WDR20: variants seen among roughly 807,000 people sequenced by gnomAD.
WDR20 encodes WD repeat-containing protein 20.
In WDR20, 3 loss-of-function variants were observed where a neutral mutation model predicts 38.7. The observed-to-expected ratio is 0.08, with a 90% confidence interval of 0.04 to 0.20. The LOEUF (loss-of-function observed/expected upper bound fraction) is 0.20. WDR20 is among the 10% of genes least tolerant of loss of function. The pLI is 1.00. For synonymous variants in WDR20, 298 were observed against 285.6 expected (o/e 1.04, Z -0.44); for missense variants, 559 against 727.7 (o/e 0.77, Z 2.67).
At position 102,208,668 on chromosome 14, in the gene WDR20, A is replaced by G. The variant is rs758711937; in HGVS notation, c.498A>G (p.Leu166=). The change falls in exon 3 of 3, where the codon CTA becomes CTG. Residue 166 remains leucine, a synonymous_variant. Transcript: ENST00000342702. The surrounding 1 kb of genome is among the most constrained non-coding windows in gnomAD (Gnocchi z 5.6). ...TTCCCGGTTCGGAAAGCCTTTTCCTAGTAGCCCACTCGAGTGGGAACATGT... is the reference window on the plus strand; with the variant it reads ...TTCCCGGTTCGGAAAGCCTTTTCCTGGTAGCCCACTCGAGTGGGAACATGT... ...KWVPGSESLF[L]VAHSSGNMYL... 1 of 1,613,866 alleles carries G rather than the reference A, an allele frequency of 6.2e-7. No individual in the cohort carries two copies. The highest frequency in any genetic ancestry group is 2.2e-5 in the East Asian group (1 of 44,862).
In WDR20 at chr14:102,195,046, G is replaced by A. The variant is rs752615602; in HGVS notation, c.358G>A (p.Val120Met). 1.9e-6 allele frequency: 3 copies of A among 1,614,222 alleles called. No individual in the cohort carries two copies. The highest frequency in any genetic ancestry group is 2.5e-6 in the Non-Finnish European group (3 of 1,180,038). Residue 120 changes from valine (V) to methionine (M), a missense_variant, in exon 2 of 3, where the codon GTG (valine) becomes ATG (methionine). Val to Met is a conservative substitution (Grantham distance 21). Coordinates refer to ENST00000342702, the MANE Select transcript of WDR20 (RefSeq NM_144574.4). ...CACAGCAGAAAGTGTCTCTCTCCTA[G>A]TGGGCTTTTCCGCAGGCCAAGTCCA... The part of the protein sequence containing the change: ...TATAESVSLL[V>M]GFSAGQVQLI...
intron 1 of WDR20, among the ~76,000 whole-genome samples, chr14:102,152,379 A>C (rs1244034660): frequency 1.3e-5 from 2 of 152,024 alleles, no homozygotes; most frequent in Non-Finnish European, 2.9e-5. Flanking sequence ...TGGATTATGG[A>C]TAATTATGGA....
chr14:102,148,600 C>T (rs1236549451), intron 1 of WDR20, among the ~76,000 whole-genome samples: 1 of 151,042 alleles, frequency 6.6e-6, no homozygotes, highest in South Asian at 2.1e-4. Context: ...CTGGTATATA[C>T]AAGGCACTGC....
downstream of WDR20, chr14:102,213,622 G>A: frequency 1.0e-6 from 1 of 985,426 alleles, no homozygotes; most frequent in South Asian, 4.7e-5. Context: ...GCTCTCCACT[G>A]GCTGACTTCA....
upstream of WDR20, chr14:102,139,760 C>CA: frequency 9.2e-7 from 1 of 1,085,098 alleles, no homozygotes; most frequent in Non-Finnish European, 1.3e-6. Flanking sequence ...GGGCCGTAAA[C>CA]AAGCCCACCC....
chr14:102,172,663 C>A (rs1490990645), intron 1 of WDR20, among the ~76,000 whole-genome samples: 2 of 146,970 alleles, frequency 1.4e-5, no homozygotes, highest in African/African-American at 5.0e-5. Flanking sequence ...GGGCAGGGGG[C>A]TGACCCCCCC....
At chr14:102,165,179 G>A (rs551961915) in intron 1 of WDR20, among the ~76,000 whole-genome samples, 2 of 152,152 alleles carry the variant, frequency 1.3e-5, no homozygotes, top group East Asian at 1.9e-4. Flanking sequence ...AGTCATGGGT[G>A]TGGTGATATT....
chr14:102,194,787 A>G, intron 1 of WDR20, 151 bp from the exon 2 acceptor site: 1 of 785,902 alleles, frequency 1.3e-6, no homozygotes, highest in Non-Finnish European at 2.0e-6. Flanking sequence ...CTTTTATAAA[A>G]TGTTAGATGA....
At chr14:102,158,644 C>G (rs1020998925) in intron 1 of WDR20, among the ~76,000 whole-genome samples, 5 of 152,030 alleles carry the variant, frequency 3.3e-5, no homozygotes, top group Admixed American at 1.3e-4. Context: ...TAACCTACTT[C>G]CCTATCCTTA....
chr14:102,215,449 G>A (rs1019924724), downstream of WDR20, among the ~76,000 whole-genome samples: 10 of 152,180 alleles, frequency 6.6e-5, no homozygotes, highest in Non-Finnish European at 1.5e-4. Flanking sequence ...GCGGCTGGTA[G>A]GCTGCTTGCT....
At chr14:102,159,126 G>T (rs184679957) in intron 1 of WDR20, among the ~76,000 whole-genome samples, 23 of 152,090 alleles carry the variant, frequency 1.5e-4, no homozygotes, top group Non-Finnish European at 3.2e-4. Flanking sequence ...TACATTTTTT[G>T]TAGAGATGGA....
At chr14:102,185,269 A>T (rs1052219838) in intron 1 of WDR20, among the ~76,000 whole-genome samples, 2 of 152,174 alleles carry the variant, frequency 1.3e-5, no homozygotes, top group Non-Finnish European at 2.9e-5. Flanking sequence ...AGTGCCAGGG[A>T]TTCTGCTGGG....
At position 102,145,099 on chromosome 14, in the gene WDR20, C is replaced by CT. The variant is rs201368122; in HGVS notation, c.249+4930dup. On this transcript the variant is annotated intron_variant, in intron 1 of 2. Transcript: ENST00000342702. ...AGCTCCCTTAGAATAGGGACATTAT[C>CT]TTTCCTGCTCTCCATCTTCTCAATG... Among the ~76,000 whole-genome samples the CT allele has an allele frequency of 4.2e-3, 647 of 152,324 alleles. 3 individuals are homozygous for CT. The highest frequency in any genetic ancestry group is 0.011 in the African/African-American group (461 of 41,576).
chr14:102,223,002 G>A (rs2153073691), exon 4 of WDR20: 6 of 1,234,380 alleles, frequency 4.9e-6, no homozygotes, highest in South Asian at 1.3e-5. Context: ...GGACGTCGGC[G>A]ATAGCCGTGT....
chr14:102,188,872 C>CAAAAAAA (rs34508888), intron 1 of WDR20, among the ~76,000 whole-genome samples: 1 of 97,542 alleles, frequency 1.0e-5, no homozygotes, highest in Non-Finnish European at 2.0e-5. Flanking sequence ...GACCCTGTTT[C>CAAAAAAA]AAAAAAAAAA....
downstream of WDR20, among the ~76,000 whole-genome samples, chr14:102,215,366 C>CA (rs1207043910): frequency 6.6e-6 from 1 of 152,218 alleles, no homozygotes; most frequent in East Asian, 1.9e-4. Context: ...TACATGGACT[C>CA]ACTATCCCGG....
At chr14:102,150,887 A>C (rs1465068843) in intron 1 of WDR20, among the ~76,000 whole-genome samples, 1 of 152,200 alleles carries the variant, frequency 6.6e-6, no homozygotes, top group African/African-American at 2.4e-5. Flanking sequence ...TCTGCTGTCA[A>C]AGAGTTCACA....
At chr14:102,215,102 C>G, downstream of WDR20, 1 of 611,524 alleles carries the variant, frequency 1.6e-6, no homozygotes, top group Non-Finnish European at 2.0e-6. Flanking sequence ...AATTAAGGAC[C>G]TTGTTAATGT....
At chr14:102,146,657 T>C (rs559367988) in intron 1 of WDR20, among the ~76,000 whole-genome samples, 1 of 152,312 alleles carries the variant, frequency 6.6e-6, no homozygotes, top group African/African-American at 2.4e-5. Flanking sequence ...CAGGACCACC[T>C]GTTGGTGACA....
Sources: gnomAD v4.1 joint callset for allele counts (sites outside exome capture counted in the v4.1 genomes callset) on GRCh38, gnomAD v4.1.1 for gene constraint, Gnocchi (gnomAD v3.1) non-coding constraint, MANE v1.5 for transcripts, NCBI Gene and HGNC (gene_info 2026-07-23, HGNC 2026-07-21) for gene names.